HDAC9: variants seen among roughly 807,000 people sequenced by gnomAD.
HDAC9 encodes the protein MEF-2 interacting transcription repressor (MITR) protein.
Under a neutral mutation model 139.4 loss-of-function variants are expected in HDAC9, and 41 were observed. That is an observed-to-expected ratio of 0.29 (90% CI 0.23 to 0.38). The LOEUF is 0.38. Among genes scored for constraint, HDAC9 ranks in the 10% least tolerant of loss-of-function variants. The pLI is 1.00. For synonymous variants in HDAC9, 517 were observed against 476.2 expected, an observed-to-expected ratio of 1.09 and a Z score of -1.12; for missense variants, 1,147 against 1,297.0, an observed-to-expected ratio of 0.88 and a Z score of 1.78.
chr7:18,354,084 A>G (rs1055789360), intron 1 of HDAC9, among the ~76,000 whole-genome samples: 5 of 152,182 alleles, frequency 3.3e-5, no homozygotes, highest in African/African-American at 1.2e-4. Flanking sequence ...AAAAAGCACT[A>G]AAAAGAAAAT....
chr7:18,711,620 G>T (rs1388102314), intron 12 of HDAC9, among the ~76,000 whole-genome samples: 1 of 152,060 alleles, frequency 6.6e-6, no homozygotes, highest in East Asian at 1.9e-4. Context: ...CCACACTTGG[G>T]GTTGCTGCTT....
chr7:18,104,544 C>T (rs1783073824), intron 1 of HDAC9, among the ~76,000 whole-genome samples: 2 of 152,124 alleles, frequency 1.3e-5, no homozygotes, highest in African/African-American at 4.8e-5. Context: ...TTCTACTTTG[C>T]CCGCAGACAC....
chr7:18,898,747 T>G (rs1801438631), intron 22 of HDAC9, among the ~76,000 whole-genome samples: 1 of 151,954 alleles, frequency 6.6e-6, no homozygotes, highest in African/African-American at 2.4e-5. Context: ...TTTTTATAAG[T>G]GAGTCTGATT....
At chr7:18,790,204 T>C (rs554754696) in intron 16 of HDAC9, among the ~76,000 whole-genome samples, 5 of 152,316 alleles carry the variant, frequency 3.3e-5, no homozygotes, top group African/African-American at 1.2e-4. Flanking sequence ...ATTTGACTTA[T>C]GAACAAGATT....
chr7:18,881,443 C>A (rs1385058779), intron 22 of HDAC9, among the ~76,000 whole-genome samples: 1 of 152,048 alleles, frequency 6.6e-6, no homozygotes, highest in Non-Finnish European at 1.5e-5. Context: ...CTCAAATACC[C>A]TCCACTTTTC....
intron 2 of HDAC9, among the ~76,000 whole-genome samples, chr7:18,498,261 G>A (rs946412582): frequency 1.3e-5 from 2 of 151,866 alleles, no homozygotes; most frequent in Non-Finnish European, 1.5e-5. Context: ...AGTCTTTATT[G>A]TATACTTCCT....
At chr7:18,928,956 T>A (rs1804481235) in intron 22 of HDAC9, among the ~76,000 whole-genome samples, 1 of 152,064 alleles carries the variant, frequency 6.6e-6, no homozygotes, top group Admixed American at 6.5e-5. Flanking sequence ...AATGCAATAA[T>A]TTTGGTTTTT....
chr7:18,409,142 A>G (rs772046447), intron 1 of HDAC9, among the ~76,000 whole-genome samples: 1 of 152,184 alleles, frequency 6.6e-6, no homozygotes, highest in Non-Finnish European at 1.5e-5. Flanking sequence ...TTTGCTGTCT[A>G]TGCCTTGGAA....
chr7:18,735,361 G>C (rs540584465), intron 13 of HDAC9, among the ~76,000 whole-genome samples: 1 of 152,216 alleles, frequency 6.6e-6, no homozygotes, highest in South Asian at 2.1e-4. Flanking sequence ...GGGTTTTTAT[G>C]GTTTTAGGTC....
rs1049010088 is a variant in HDAC9 at position 18,905,852 on chromosome 7, TTC to T, written c.2804-29955_2804-29954del. Among the ~76,000 whole-genome samples, 68 of 113,922 alleles carry T rather than the reference TTC, an allele frequency of 6.0e-4. 1 individual carries two copies. The South Asian group carries it at 0.014, about 23-fold the overall frequency. 74.7% of individuals were successfully genotyped at this position (113,922 alleles called of 152,430 possible). On this transcript the variant is annotated intron_variant, in intron 22 of 25. Transcript: ENST00000686413. ...ATAGTTATTTCTAATGCTGAATAGTTTCTTTCTTTCTTTCTTTCCTTTCTTTT... is the reference window on the plus strand; with the variant it reads ...ATAGTTATTTCTAATGCTGAATAGTTTTTCTTTCTTTCTTTCCTTTCTTTT...
intron 1 of HDAC9, among the ~76,000 whole-genome samples, chr7:18,460,024 A>G (rs961291572): frequency 2.0e-5 from 3 of 151,336 alleles, no homozygotes; most frequent in Non-Finnish European, 4.4e-5. Flanking sequence ...GGCACAGGCA[A>G]TCTTCCCACC....
chr7:18,807,770 C>G (rs1356316717), intron 17 of HDAC9, among the ~76,000 whole-genome samples: 1 of 152,102 alleles, frequency 6.6e-6, no homozygotes, highest in African/African-American at 2.4e-5. Context: ...GTTTCATACT[C>G]TTGTGGTCAG....
chr7:18,291,338 T>C (rs1020745352), intron 1 of HDAC9, among the ~76,000 whole-genome samples: 1 of 152,042 alleles, frequency 6.6e-6, no homozygotes, highest in Non-Finnish European at 1.5e-5. Context: ...CCAAACTGTT[T>C]GGGGTCAAAT....
Position 18,996,579 on chromosome 7 carries a change from T to TGTTTG in HDAC9, c.*518_*522dup. The TGTTTG allele has an allele frequency of 6.5e-6, 1 of 152,826 alleles. No homozygotes were observed. The allele number at this position is 152,826 out of a possible 1,614,324, so 9.5% of individuals were successfully genotyped here. ...CACCCAGAATGTAATGTTTCTTGTT[T>TGTTTG]GTTTGTTTTGTTTTGTTAGGGTTTT... On this transcript the variant is annotated 3_prime_UTR_variant, in exon 26 of 26. Transcript: ENST00000686413.
At chr7:18,178,292 C>G (rs1789109837) in intron 2 of HDAC9, among the ~76,000 whole-genome samples, 1 of 152,210 alleles carries the variant, frequency 6.6e-6, no homozygotes, top group Admixed American at 6.5e-5. Flanking sequence ...ACTATGTTGG[C>G]CAGACTTGTC....
At chr7:18,371,206 A>C (rs185886356) in intron 1 of HDAC9, among the ~76,000 whole-genome samples, 25 of 152,282 alleles carry the variant, frequency 1.6e-4, no homozygotes, top group African/African-American at 5.8e-4. Context: ...ATGGATTTCA[A>C]TTTAACGATA....
intron 25 of HDAC9, among the ~76,000 whole-genome samples, chr7:18,995,241 G>A (rs895231581): frequency 2.6e-5 from 4 of 152,072 alleles, no homozygotes; most frequent in Non-Finnish European, 4.4e-5. Context: ...CAATTCACCC[G>A]GCATCTCATA....
chr7:18,191,212 G>A, intron 2 of HDAC9, among the ~76,000 whole-genome samples: 1 of 152,234 alleles, frequency 6.6e-6, no homozygotes, highest in Non-Finnish European at 1.5e-5. Context: ...TTACAATAAA[G>A]TAAGCTATAC....
At chr7:18,926,549 C>T (rs1020864593) in intron 22 of HDAC9, among the ~76,000 whole-genome samples, 2 of 151,982 alleles carry the variant, frequency 1.3e-5, no homozygotes, top group Non-Finnish European at 2.9e-5. Flanking sequence ...ATAGAAGTAT[C>T]AGAATTATGT....
Sources: gnomAD v4.1 joint callset for allele counts (sites outside exome capture counted in the v4.1 genomes callset) on GRCh38, gnomAD v4.1.1 for gene constraint, MANE v1.5 for transcripts, NCBI Gene and HGNC (gene_info 2026-07-23, HGNC 2026-07-21) for gene names.